PANK4: variants seen among roughly 807,000 people sequenced by gnomAD.
PANK4 encodes 4'-phosphopantetheine phosphatase.
PANK4 carries 40 observed loss-of-function variants against 87.9 expected under a neutral mutation model. That is an observed-to-expected ratio of 0.46 (90% CI 0.35 to 0.59). The LOEUF (loss-of-function observed/expected upper bound fraction) is 0.59, where lower values mean the gene tolerates loss of function less well. Among genes scored for constraint, PANK4 ranks in the 20% least tolerant of loss-of-function variants. PANK4 has a pLI of 0.00. For missense variants in PANK4, 926 were observed against 1,072.3 expected (o/e 0.86, Z 1.90); for synonymous variants, 524 against 467.4 (o/e 1.12, Z -1.56).
chr1:2,514,254 C>G, intron 11 of PANK4, 100 bp downstream of exon 11: 2 of 1,155,470 alleles, frequency 1.7e-6, no homozygotes, highest in Non-Finnish European at 2.6e-6. Context: ...CCACCCCCAG[C>G]GAGCTGGGGT....
intron 12 of PANK4, 103 bp from the exon 13 acceptor site, chr1:2,513,142 G>A (rs945872495): frequency 4.6e-5 from 59 of 1,294,806 alleles, no homozygotes; most frequent in Non-Finnish European, 6.3e-5. Flanking sequence ...CCTCAGGATC[G>A]AAGACTCAGG....
chr1:2,520,888 C>T lies in PANK4; in HGVS notation c.441G>A (p.Val147=), dbSNP rs767147322. ...KLRLKVDKED[V]MTCLIKGCNF... ...TGCACCCCTTAATCAGGCACGTCAT[C>T]ACGTCCTCCTTGTCGACTCTGAAAA... The change falls in exon 4 of 19, where the codon GTG becomes GTA. Residue 147 remains valine, a synonymous_variant. Transcript: ENST00000378466. The surrounding 1 kb of genome is among the most constrained non-coding windows in gnomAD (Gnocchi z 6.2). 2 of 1,556,322 alleles carry T rather than the reference C, an allele frequency of 1.3e-6. No individual in the cohort carries two copies. Among genetic ancestry groups the T allele is most frequent in the South Asian group, 2.5e-5 (2 of 80,984 alleles).
intron 2 of PANK4, 92 bp from the exon 3 acceptor site, chr1:2,521,407 C>T (rs533540041): frequency 8.6e-5 from 90 of 1,049,986 alleles, no homozygotes; most frequent in South Asian, 8.2e-4. Flanking sequence ...TGGCTGTTCG[C>T]GCCAGCCTTC....
At chr1:2,516,533 C>T (rs912143246) in intron 9 of PANK4, among the ~76,000 whole-genome samples, 4 of 152,200 alleles carry the variant, frequency 2.6e-5, no homozygotes, top group Admixed American at 6.5e-5. Context: ...TGTAGCTGAC[C>T]GCCTCTTCCC....
In PANK4 at chr1:2,520,520, C is replaced by G; in HGVS notation, c.607-106G>C. The G allele has an allele frequency of 9.3e-7, 1 of 1,076,814 alleles. No homozygotes were observed. Among genetic ancestry groups the G allele is most frequent in the Admixed American group, 2.1e-5 (1 of 48,026 alleles). 66.7% of individuals were successfully genotyped at this position (1,076,814 alleles called of 1,614,324 possible). On this transcript the variant is annotated intron_variant, in intron 4 of 18. Coordinates refer to ENST00000378466, the MANE Select transcript of PANK4 (RefSeq NM_018216.4). The surrounding 1 kb of genome is among the most constrained non-coding windows in gnomAD (Gnocchi z 6.2). ...GCTGGGGTGAACCCCGCCCCCACCC[C>G]AACCGCCAGTGGGAGGACTCTCATG...
rs1216979181 is a variant in PANK4, at chr1:2,511,693, G to A, written c.1728-10C>T. The A allele has an allele frequency of 1.3e-6, 2 of 1,583,354 alleles. No homozygotes were observed. The highest frequency in any genetic ancestry group is 1.7e-5 in the Admixed American group (1 of 59,920). On this transcript the variant is annotated splice_polypyrimidine_tract_variant and intron_variant, in intron 13 of 18. Transcript: ENST00000378466. ...GTCGGATTCAAGGACACTGCATGGA[G>A]GAGGAGAAAAGAAAATTAAGACAAC...
At chr1:2,517,818 G>A (rs1308514557) in intron 9 of PANK4, among the ~76,000 whole-genome samples, 1 of 152,356 alleles carries the variant, frequency 6.6e-6, no homozygotes, top group South Asian at 2.1e-4. Context: ...CTGCGGTTTC[G>A]GGTTTCAACT....
rs1399541138 is a variant in PANK4, at chr1:2,519,962, ACACGG to A, written c.700-13_700-9del. On this transcript the variant is annotated splice_polypyrimidine_tract_variant and intron_variant, in intron 5 of 18. Coordinates refer to ENST00000378466, the MANE Select transcript of PANK4 (RefSeq NM_018216.4). The surrounding 1 kb of genome is among the most constrained non-coding windows in gnomAD (Gnocchi z 8.3). ...CAGGAGCTCGTCAAACTTCTGCAGG[ACACGG>A]CGAGGGGGCGGGTGAGGCGCCAGGA... is the stretch of plus-strand genomic sequence containing the variant. 1.9e-6 allele frequency: 3 copies of A among 1,546,264 alleles called. No homozygotes were observed. The highest frequency in any genetic ancestry group is 2.0e-5 in the Admixed American group (1 of 51,058).
rs763642760 is a variant in PANK4 at position 2,509,955 on chromosome 1, C to T, written c.2040-25G>A. ...GCTGCCAGATACAAGGTGGTCAGTGCCCCCAGGAGCTCCCAGTTCAGTGAC... is the reference window on the plus strand; with the variant it reads ...GCTGCCAGATACAAGGTGGTCAGTGTCCCCAGGAGCTCCCAGTTCAGTGAC... On this transcript the variant is annotated intron_variant, in intron 17 of 18. Transcript: ENST00000378466. This position sits in a 1 kb window ranked among gnomAD's most constrained non-coding sequence, Gnocchi z 4.9. 43 of 1,602,546 alleles carry T rather than the reference C, an allele frequency of 2.7e-5. No homozygotes were observed. Among genetic ancestry groups the T allele is most frequent in the Non-Finnish European group, 3.4e-5 (40 of 1,174,444 alleles).
chr1:2,522,749 CCG>C (rs2100796114), intron 1 of PANK4, among the ~76,000 whole-genome samples: 1 of 149,160 alleles, frequency 6.7e-6, no homozygotes, highest in East Asian at 2.0e-4. Flanking sequence ...ACGGAGGGCA[CCG>C]TGTGTGTTAT....
intron 9 of PANK4, among the ~76,000 whole-genome samples, chr1:2,516,782 G>A (rs188738009): frequency 3.3e-5 from 5 of 152,354 alleles, no homozygotes; most frequent in African/African-American, 1.2e-4. Flanking sequence ...TAACTACCAC[G>A]GACCACAGCC....
Position 2,515,579 on chromosome 1 carries a change from C to A in PANK4, c.1357G>T (p.Glu453Ter). Reference protein sequence around the residue: ...LARKYWLTCFEEALDGVVKRA... With the variant: ...LARKYWLTCF The stretch of plus-strand genomic sequence containing the variant: ...GCCCTCACCCCGTCCAGGGCCTCCT[C>A]AAAGCAGGTGAGCCAGTATTTTCGG... Residue 453 changes from glutamate (E) to a stop codon, truncating the protein, a stop_gained, in exon 10 of 19, where the codon GAG (glutamate) becomes TAG (stop). Coordinates refer to ENST00000378466, the MANE Select transcript of PANK4 (RefSeq NM_018216.4). LOFTEE classifies it high-confidence loss of function. This position sits in a 1 kb window ranked among gnomAD's most constrained non-coding sequence, Gnocchi z 5.0. 1 of 1,612,932 alleles carries A rather than the reference C, an allele frequency of 6.2e-7. No homozygotes were observed. The highest frequency in any genetic ancestry group is 8.5e-7 in the Non-Finnish European group (1 of 1,179,968).
In PANK4 at chr1:2,510,428, T is replaced by A. The variant is rs559752424; in HGVS notation, c.1938+250A>T. 1 of 596,754 alleles carries A rather than the reference T, an allele frequency of 1.7e-6. No homozygotes were observed. Among genetic ancestry groups the A allele is most frequent in the African/African-American group, 1.9e-5 (1 of 53,764 alleles). The allele number at this position is 596,754 out of a possible 1,614,324, so 37.0% of individuals were successfully genotyped here. ...TCACAGCCCCAAAGCCTCCTTGCTG[T>A]GAGCACCCTTCCAGGAGCCTGGCGT... is the stretch of plus-strand genomic sequence containing the variant. On this transcript the variant is annotated intron_variant, in intron 16 of 18. Coordinates refer to ENST00000378466, the MANE Select transcript of PANK4 (RefSeq NM_018216.4). The surrounding 1 kb of genome is among the most constrained non-coding windows in gnomAD (Gnocchi z 4.9).
chr1:2,526,321 G>GC (rs1643923264), intron 1 of PANK4, 143 bp downstream of exon 1: 1 of 305,480 alleles, frequency 3.3e-6, no homozygotes, highest in Admixed American at 6.5e-5. Flanking sequence ...CTGTGCGCGG[G>GC]CCCGCGGACT....
chr1:2,511,429 G>A (rs1643659657), intron 14 of PANK4, 42 bp from the exon 15 acceptor site: 1 of 1,441,624 alleles, frequency 6.9e-7, no homozygotes, highest in South Asian at 1.1e-5. Context: ...CGGTGCTCCA[G>A]GTCAGGGGTC....
At chr1:2,514,269 A>G (rs1300656953) in intron 11 of PANK4, 85 bp downstream of exon 11, 8 of 1,228,468 alleles carry the variant, frequency 6.5e-6, no homozygotes, top group Non-Finnish European at 9.6e-6. Flanking sequence ...TGGGGTCCGA[A>G]TGCCAACATC....
Position 2,518,249 on chromosome 1 carries a change from C to T in PANK4, c.1133G>A (p.Ser378Asn), listed in dbSNP as rs1220834875. 1.2e-6 allele frequency: 2 copies of T among 1,611,556 alleles called. No individual in the cohort carries two copies. Among genetic ancestry groups the T allele is most frequent in the East Asian group, 2.2e-5 (1 of 44,884 alleles). The change falls in exon 9 of 19, where the codon AGC (serine) becomes AAC (asparagine). Residue 378 changes from serine to asparagine, a missense_variant. By Grantham distance (46) the Ser-to-Asn change is conservative. Transcript: ENST00000378466. ...GCTGCCTGCATAGTTCTCTCCCCAG[C>T]TGTACTGGTTAGGATCTGGAAAGCA... is the stretch of plus-strand genomic sequence containing the variant. ...GAEQDNPNQY[S>N]WGENYAGSSG...
chr1:2,521,854 TGGG>T, intron 1 of PANK4, 54 bp from the exon 2 acceptor site: 11 of 1,366,072 alleles, frequency 8.1e-6, no homozygotes, highest in South Asian at 1.2e-5. Context: ...CAGCGGGGCC[TGGG>T]GGTCCATGCC....
rs760952165 is a variant in PANK4, at chr1:2,509,864, G to A, written c.2106C>T (p.Leu702=). ...QTGSSSPCLD[L]SRLDKGLAAL... ...ACAGGTGCAGGGTGCGGGGTTACCTGAGGTCGAGGCACGGGGAGCTGGAGC... is the reference window on the plus strand; with the variant it reads ...ACAGGTGCAGGGTGCGGGGTTACCTAAGGTCGAGGCACGGGGAGCTGGAGC... The change falls in exon 18 of 19, where the codon CTC becomes CTT. Residue 702 remains leucine, a splice_region_variant and synonymous_variant. Transcript: ENST00000378466. This position sits in a 1 kb window ranked among gnomAD's most constrained non-coding sequence, Gnocchi z 4.9. 1 of 1,611,500 alleles carries A rather than the reference G, an allele frequency of 6.2e-7. No homozygotes were observed.
Sources: gnomAD v4.1 joint callset for allele counts (sites outside exome capture counted in the v4.1 genomes callset) on GRCh38, gnomAD v4.1.1 for gene constraint, Gnocchi (gnomAD v3.1) non-coding constraint, MANE v1.5 for transcripts, NCBI Gene and HGNC (gene_info 2026-07-23, HGNC 2026-07-21) for gene names.